KIF5B: variants seen among roughly 807,000 people sequenced by gnomAD.
KIF5B encodes the protein kinesin-1 heavy chain.
Under a neutral mutation model 132.8 loss-of-function variants are expected in KIF5B, and 49 were observed. The ratio of observed to expected loss-of-function variants is 0.37; its 90% CI spans 0.29 to 0.47. KIF5B has a LOEUF of 0.47. Among genes scored for constraint, KIF5B ranks in the 20% least tolerant of loss-of-function variants. The probability of loss-of-function intolerance (pLI) is 1.00; values close to 1 mark genes in which losing one functional copy is unlikely to be tolerated. For synonymous variants in KIF5B, 355 were observed against 369.4 expected (o/e 0.96, Z 0.45); for missense variants, 780 against 1,144.0 (o/e 0.68, Z 4.59).
In KIF5B at chr10:32,039,371, T is replaced by TA; in HGVS notation, c.348dup (p.Asn117Ter). 1.3e-6 allele frequency: 2 copies of TA among 1,509,034 alleles called. No individual in the cohort carries two copies. The highest frequency in any genetic ancestry group is 1.8e-6 in the Non-Finnish European group (2 of 1,107,596). 93.5% of individuals were successfully genotyped at this position (1,509,034 alleles called of 1,614,324 possible). On this transcript the variant is annotated frameshift_variant, in exon 4 of 26. Transcript: ENST00000302418. LOFTEE classifies it high-confidence loss of function. Reference sequence around the variant, plus strand: ...TTTTCATCCATGGAGTAAATATAATTAAAAATATCTTGCACTATTCTTGGA... The same window carrying TA: ...TTTTCATCCATGGAGTAAATATAATTAAAAAATATCTTGCACTATTCTTGGA...
chr10:32,031,169 T>C lies in KIF5B; in HGVS notation c.1485A>G (p.Leu495=). 6.2e-7 allele frequency: 1 copy of C among 1,613,980 alleles called. No homozygotes were observed. Among genetic ancestry groups the C allele is most frequent in the Admixed American group, 1.7e-5 (1 of 60,026 alleles). The change falls in exon 14 of 26, where the codon CTA becomes CTG. Residue 495 remains leucine, a synonymous_variant. Coordinates refer to ENST00000302418, the MANE Select transcript of KIF5B (RefSeq NM_004521.3). ...GATCATAATTGACAGCAAGTTCTTC[T>C]AGGGCCTGTAAAACTTCTTTCACTT... The part of the protein sequence containing the change: ...KEEVKEVLQA[L]EELAVNYDQK...
At chr10:32,017,513 C>G (rs538374760) in intron 23 of KIF5B, among the ~76,000 whole-genome samples, 154 bp from the exon 24 acceptor site, 1 of 152,312 alleles carries the variant, frequency 6.6e-6, no homozygotes, top group South Asian at 2.1e-4. Flanking sequence ...GGAATACATC[C>G]ATCTATACAT....
In KIF5B at chr10:32,018,341, T is replaced by C. The variant is rs1841205865; in HGVS notation, c.2414A>G (p.Gln805Arg). The change falls in exon 22 of 26, where the codon CAG (glutamine) becomes CGG (arginine). Residue 805 changes from glutamine (Q) to arginine (R), a missense_variant. Gln to Arg is a conservative substitution (Grantham distance 43). Transcript: ENST00000302418. Reference protein sequence around the residue: ...TLHNLRKLFVQDLATRVKKSA... With the variant: ...TLHNLRKLFVRDLATRVKKSA... The stretch of plus-strand genomic sequence containing the variant: ...CTTTTTAACTCTTGTAGCCAGGTCC[T>C]GAACAAAGAGTTTGCGCAGGTTGTG... 2.0e-6 allele frequency: 3 copies of C among 1,515,434 alleles called. No individual in the cohort carries two copies. Among genetic ancestry groups the C allele is most frequent in the Non-Finnish European group, 2.6e-6 (3 of 1,135,648 alleles). 93.9% of individuals were successfully genotyped at this position (1,515,434 alleles called of 1,614,324 possible).
Position 32,033,825 on chromosome 10 carries a change from C to T in KIF5B, c.1305+20G>A, listed in dbSNP as rs774091234. On this transcript the variant is annotated intron_variant, in intron 12 of 25. Coordinates refer to ENST00000302418, the MANE Select transcript of KIF5B (RefSeq NM_004521.3). Reference sequence around the variant, plus strand: ...AATAGTATCCTAATATAAAGCAGACCTAAATCAAGCAATACCTACCTTGTC... The same window carrying T: ...AATAGTATCCTAATATAAAGCAGACTTAAATCAAGCAATACCTACCTTGTC... 7 of 1,572,136 alleles carry T rather than the reference C, an allele frequency of 4.5e-6. No individual in the cohort carries two copies. Among genetic ancestry groups the T allele is most frequent in the African/African-American group, 1.4e-5 (1 of 73,644 alleles).
chr10:32,036,031 C>G lies in KIF5B; in HGVS notation c.712-37G>C, dbSNP rs774782415. 5.9e-6 allele frequency: 8 copies of G among 1,355,806 alleles called. No individual in the cohort carries two copies. In the South Asian group the frequency reaches 9.8e-5, roughly 17 times the overall value. 84.0% of individuals were successfully genotyped at this position (1,355,806 alleles called of 1,614,324 possible). On this transcript the variant is annotated intron_variant, in intron 8 of 25. Transcript: ENST00000302418. ...ATTTCAAAAGAATGAAACAAAATTA[C>G]AAGTTTATAATTTTCTTTACATTTT...
rs888311525 is a variant in KIF5B at position 32,009,241 on chromosome 10, G to C, written c.*2296C>G. 1.3e-5 allele frequency: 2 copies of C among 152,068 alleles called. No individual in the cohort carries two copies. The highest frequency in any genetic ancestry group is 4.8e-5 in the African/African-American group (2 of 41,392). 9.4% of individuals were successfully genotyped at this position (152,068 alleles called of 1,614,324 possible). The stretch of plus-strand genomic sequence containing the variant: ...TACGCACAGTAGTTTTCTTAAGTTA[G>C]GCAAATAATTTAATTAATCGCCATG... On this transcript the variant is annotated 3_prime_UTR_variant, in exon 26 of 26. Coordinates refer to ENST00000302418, the MANE Select transcript of KIF5B (RefSeq NM_004521.3).
In KIF5B at chr10:32,037,330, A is replaced by G; in HGVS notation, c.635T>C (p.Val212Ala). The stretch of plus-strand genomic sequence containing the variant: ...TTCCGTTTGTGTGTTCTCTTGTTTG[A>G]CATTAATAAGAAATATACTGTGACT... The part of the protein sequence containing the change: ...SRSHSIFLIN[V>A]KQENTQTEQK... The change falls in exon 8 of 26, where the codon GTC becomes GCC. Residue 212 changes from valine to alanine, a missense_variant. Physicochemically the swap from Val to Ala is moderately conservative, Grantham distance 64. Around this residue, in one of 9 missense-constraint regions of KIF5B, gnomAD observed 76 missense variants for 146.4 expected, o/e 0.52. Transcript: ENST00000302418. The G allele has an allele frequency of 6.2e-7, 1 of 1,613,102 alleles. No individual in the cohort carries two copies. The highest frequency in any genetic ancestry group is 8.5e-7 in the Non-Finnish European group (1 of 1,179,090).
intron 17 of KIF5B, among the ~76,000 whole-genome samples, chr10:32,021,840 C>A (rs1462459130): frequency 6.6e-6 from 1 of 152,036 alleles, no homozygotes; most frequent in Non-Finnish European, 1.5e-5. Context: ...GGCGTGGGGG[C>A]ATGTGCCTGT....
intron 1 of KIF5B, among the ~76,000 whole-genome samples, chr10:32,048,790 C>A (rs527779360): frequency 3.3e-4 from 50 of 152,238 alleles, no homozygotes; most frequent in African/African-American, 1.1e-3. Context: ...CCAGTAATTA[C>A]AATTATAATT....
intron 25 of KIF5B, among the ~76,000 whole-genome samples, 194 bp downstream of exon 25, chr10:32,015,315 C>T (rs1362261136): frequency 1.3e-5 from 2 of 152,004 alleles, no homozygotes; most frequent in East Asian, 3.8e-4. Flanking sequence ...TGCTAGATTT[C>T]AAAACAATTA....
intron 17 of KIF5B, among the ~76,000 whole-genome samples, chr10:32,021,564 G>A (rs1367538212): frequency 6.8e-6 from 1 of 146,974 alleles, no homozygotes; most frequent in East Asian, 2.0e-4. Flanking sequence ...AAAGAAATGA[G>A]ATAACTCCTA....
chr10:32,030,212 G>A (rs1841384888), intron 14 of KIF5B, among the ~76,000 whole-genome samples: 1 of 152,176 alleles, frequency 6.6e-6, no homozygotes, highest in Admixed American at 6.5e-5. Context: ...TCAATTTTCA[G>A]CAAGTAAAAA....
intron 2 of KIF5B, among the ~76,000 whole-genome samples, chr10:32,042,161 A>G (rs987410201): frequency 6.6e-6 from 1 of 152,160 alleles, no homozygotes; most frequent in Non-Finnish European, 1.5e-5. Flanking sequence ...AAGTAAACTA[A>G]TAAGCAAGCC....
chr10:32,042,609 A>G (rs929226828), intron 2 of KIF5B, among the ~76,000 whole-genome samples: 4 of 152,194 alleles, frequency 2.6e-5, no homozygotes, highest in African/African-American at 9.7e-5. Context: ...AGGAACTCAA[A>G]TGCTTGCTGA....
chr10:32,020,850 G>T (rs999950908), intron 19 of KIF5B, among the ~76,000 whole-genome samples, 172 bp downstream of exon 19: 3 of 152,096 alleles, frequency 2.0e-5, no homozygotes, highest in Non-Finnish European at 4.4e-5. Flanking sequence ...CTAAAAAAAA[G>T]CCTCAAAAAT....
At chr10:32,048,663 A>G in intron 1 of KIF5B, 112 bp from the exon 2 acceptor site, 1 of 671,292 alleles carries the variant, frequency 1.5e-6, no homozygotes, top group South Asian at 2.0e-5. Flanking sequence ...TATACCTAGT[A>G]TGCATAATTT....
At chr10:32,029,311 G>A (rs756312497) in intron 14 of KIF5B, among the ~76,000 whole-genome samples, 5 of 152,178 alleles carry the variant, frequency 3.3e-5, no homozygotes, top group Non-Finnish European at 7.4e-5. Flanking sequence ...TTTTGGACTT[G>A]CCAATTAGAA....
At position 32,040,423 on chromosome 10, in the gene KIF5B, T is replaced by C. The variant is rs753310507; in HGVS notation, c.249A>G (p.Ala83=). ...VLEGYNGTIF[A]YGQTSSGKTH... Reference sequence around the variant, plus strand: ...TCTTCCCAGAGGATGTTTGTCCATATGCAAATATTGTTCCATTATATCCTT... The same window carrying C: ...TCTTCCCAGAGGATGTTTGTCCATACGCAAATATTGTTCCATTATATCCTT... The change falls in exon 3 of 26, where the codon GCA becomes GCG. Residue 83 remains alanine, a synonymous_variant. Transcript: ENST00000302418. 11 of 1,600,768 alleles carry C rather than the reference T, an allele frequency of 6.9e-6. No individual in the cohort carries two copies. In the Admixed American group the frequency reaches 1.5e-4, roughly 22 times the overall value.
intron 25 of KIF5B, among the ~76,000 whole-genome samples, chr10:32,014,493 A>G (rs1841131398): frequency 6.6e-6 from 1 of 152,196 alleles, no homozygotes; most frequent in Admixed American, 6.5e-5. Context: ...GTCTATTACA[A>G]TAGTTATCAA....
Sources: gnomAD v4.1 joint callset for allele counts (sites outside exome capture counted in the v4.1 genomes callset) on GRCh38, gnomAD v4.1.1 for gene constraint, gnomAD v4.1.1 regional missense constraint, MANE v1.5 for transcripts, NCBI Gene and HGNC (gene_info 2026-07-23, HGNC 2026-07-21) for gene names.